The following TTYH2 variants were observed in gnomAD, a reference collection of about 807,000 sequenced individuals.
TTYH2 encodes the protein tweety family member 2.
In TTYH2, 49 loss-of-function variants were observed where a neutral mutation model predicts 68.3. The observed-to-expected ratio is 0.72, with a 90% CI of 0.57 to 0.91. The LOEUF (loss-of-function observed/expected upper bound fraction) is 0.91. TTYH2 is among the 40% of genes least tolerant of loss of function. TTYH2 has a pLI of 0.00. For missense variants in TTYH2, 631 were observed against 700.4 expected, an observed-to-expected ratio of 0.90 and a Z score of 1.12; for synonymous variants, 272 against 300.8, an observed-to-expected ratio of 0.90 and a Z score of 0.99.
intron 13 of TTYH2, among the ~76,000 whole-genome samples, chr17:74,258,131 G>C (rs781230754): frequency 5.9e-5 from 9 of 151,524 alleles, no homozygotes; most frequent in Non-Finnish European, 1.2e-4. Flanking sequence ...TCCAGCCTGG[G>C]TGACAGAGTG....
At position 74,222,649 on chromosome 17, in the gene TTYH2, C is replaced by G; in HGVS notation, c.294C>G (p.Leu98=). Residue 98 remains leucine, a synonymous_variant, in exon 2 of 14, where the codon CTC becomes CTG. Transcript: ENST00000269346. This position sits in a 1 kb window ranked among gnomAD's most constrained non-coding sequence, Gnocchi z 5.2. ...CCTGGACGGCCGTGGTGGCCGGGCTCATCTGCTGGTGAGTGTCCCTGGACG... is the reference window on the plus strand; with the variant it reads ...CCTGGACGGCCGTGGTGGCCGGGCTGATCTGCTGGTGAGTGTCCCTGGACG... ...CITWTAVVAG[L]ICCAAVGVGF... is the part of the protein sequence containing the mutation. 1 of 1,608,732 alleles carries G rather than the reference C, an allele frequency of 6.2e-7. No individual in the cohort carries two copies. The highest frequency in any genetic ancestry group is 8.5e-7 in the Non-Finnish European group (1 of 1,179,408).
intron 2 of TTYH2, among the ~76,000 whole-genome samples, chr17:74,225,240 C>T (rs1199077894): frequency 6.6e-6 from 1 of 151,136 alleles, no homozygotes; most frequent in Non-Finnish European, 1.5e-5. Context: ...TAAAGGAAGC[C>T]AATGTGGCCA....
rs529630602 is a variant in TTYH2 at position 74,261,957 on chromosome 17, G to T, written c.*1748G>T. The T allele has an allele frequency of 6.6e-6, 1 of 152,562 alleles. No homozygotes were observed. The highest frequency in any genetic ancestry group is 1.5e-5 in the Non-Finnish European group (1 of 68,034). The allele number at this position is 152,562 out of a possible 1,614,324, so 9.5% of individuals were successfully genotyped here. A position where few individuals can be genotyped will look rare whatever the true frequency, so the allele number is the denominator to read the frequency against. On this transcript the variant is annotated 3_prime_UTR_variant, in exon 14 of 14. Transcript: ENST00000269346. Reference sequence around the variant, plus strand: ...GGGGAGTTCCTGAAGGAACCAGGTGGGCAAACCTTTGCTTATATACATGCG... The same window carrying T: ...GGGGAGTTCCTGAAGGAACCAGGTGTGCAAACCTTTGCTTATATACATGCG...
chr17:74,230,993 T>A lies in TTYH2; in HGVS notation c.408T>A (p.Asp136Glu), dbSNP rs563918974. The A allele has an allele frequency of 4.8e-5, 77 of 1,613,738 alleles. No homozygotes were observed. In the Admixed American group the frequency reaches 1.3e-3, roughly 27 times the overall value. Residue 136 changes from aspartate to glutamate, a missense_variant, in exon 3 of 14, where the codon GAT becomes GAA. Transcript: ENST00000269346. ...DDANHTFSGI[D>E]ALVSGTTQKM... ...CCAACCACACCTTCTCTGGGATCGA[T>A]GCTCTGGTAAGGCTCCCGGGCAGCT...
In TTYH2 at chr17:74,252,362, G is replaced by C. The variant is rs2050642100; in HGVS notation, c.1245G>C (p.Lys415Asn). 6.8e-6 allele frequency: 11 copies of C among 1,613,616 alleles called. No individual in the cohort carries two copies. The highest frequency in any genetic ancestry group is 9.3e-6 in the Non-Finnish European group (11 of 1,179,980). ...TMICAGPRAW[K>N]HFTTRNRDYD... is the part of the protein sequence containing the mutation. ...TCTGTGCAGGGCCAAGGGCCTGGAA[G>C]CACTTCACCACCAGGTGGGCTGCCT... The change falls in exon 11 of 14, where the codon AAG becomes AAC. Residue 415 changes from lysine (K) to asparagine (N), a missense_variant. Physicochemically the swap from Lys to Asn is moderately conservative, Grantham distance 94. Coordinates refer to ENST00000269346, the MANE Select transcript of TTYH2 (RefSeq NM_032646.6).
intron 13 of TTYH2, among the ~76,000 whole-genome samples, chr17:74,257,980 C>A (rs2050710065): frequency 6.6e-6 from 1 of 151,886 alleles, no homozygotes; most frequent in South Asian, 2.1e-4. Flanking sequence ...ATGGTGAAAC[C>A]CCGTCTCTAC....
rs2050232965 is a variant in TTYH2, at chr17:74,217,556, CA to C, written c.129+3841del. ...TTGGGATGAGGAAGCCCCATTCATC[CA>C]GTGTGAAATTGAGTCACGGTCATCA... On this transcript the variant is annotated intron_variant, in intron 1 of 13. Coordinates refer to ENST00000269346, the MANE Select transcript of TTYH2 (RefSeq NM_032646.6). The surrounding 1 kb of genome is among the most constrained non-coding windows in gnomAD (Gnocchi z 4.0). 1.3e-5 allele frequency among the ~76,000 whole-genome samples: 2 copies of C among 152,174 alleles called. No homozygotes were observed. The highest frequency in any genetic ancestry group is 6.5e-5 in the Admixed American group (1 of 15,280).
intron 3 of TTYH2, among the ~76,000 whole-genome samples, chr17:74,233,627 CCA>C: frequency 6.6e-6 from 1 of 152,214 alleles, no homozygotes; most frequent in East Asian, 1.9e-4. Context: ...AGGGATGCAC[CCA>C]CAGAGTGGGG....
At chr17:74,230,489 G>A (rs943037120) in intron 2 of TTYH2, among the ~76,000 whole-genome samples, 14 of 152,130 alleles carry the variant, frequency 9.2e-5, no homozygotes, top group Non-Finnish European at 1.6e-4. Flanking sequence ...GATGATGTGT[G>A]CATCTGGGCT....
intron 3 of TTYH2, among the ~76,000 whole-genome samples, chr17:74,231,886 G>A (rs552879310): frequency 6.6e-5 from 10 of 152,252 alleles, no homozygotes; most frequent in East Asian, 1.9e-4. Context: ...TGTGGCAGAC[G>A]CTGCCTGATA....
At position 74,246,205 on chromosome 17, in the gene TTYH2, C is replaced by T. The variant is rs564354832; in HGVS notation, c.804+2156C>T. ...TGGGGACAGAGAACTTCAGGGGATT[C>T]CTCCAGCTAAGGGGCAGCCAGGCCT... On this transcript the variant is annotated intron_variant, in intron 6 of 13. Coordinates refer to ENST00000269346, the MANE Select transcript of TTYH2 (RefSeq NM_032646.6). Among the ~76,000 whole-genome samples, 305 of 152,272 alleles carry T rather than the reference C, an allele frequency of 2.0e-3. 2 individuals carry two copies. Among genetic ancestry groups the T allele is most frequent in the Admixed American group, 5.9e-3 (90 of 15,304 alleles).
In TTYH2 at chr17:74,248,989, C is replaced by T. The variant is rs115979980; in HGVS notation, c.805-22C>T. 8.9e-3 allele frequency: 14,379 copies of T among 1,614,004 alleles called. 184 individuals carry two copies. The highest frequency in any genetic ancestry group is 0.052 in the African/African-American group (3,923 of 75,018). On this transcript the variant is annotated intron_variant, in intron 6 of 13. Coordinates refer to ENST00000269346, the MANE Select transcript of TTYH2 (RefSeq NM_032646.6). ...CCTGATACCTGATTTTCCTCCACCC[C>T]GTCCCTCTCTCCCTCACTCAGGCCA...
intron 6 of TTYH2, 38 bp downstream of exon 6, chr17:74,244,087 G>C (rs767015641): frequency 6.3e-7 from 1 of 1,592,118 alleles, no homozygotes; most frequent in Non-Finnish European, 8.6e-7. Flanking sequence ...GGTGGTGGTT[G>C]GTCTGCCAGG....
rs745368169 is a variant in TTYH2 at position 74,253,074 on chromosome 17, G to A, written c.1260-7G>A. The A allele has an allele frequency of 3.7e-6, 6 of 1,613,594 alleles. No individual in the cohort carries two copies. Among genetic ancestry groups the A allele is most frequent in the Non-Finnish European group, 5.1e-6 (6 of 1,179,794 alleles). ...CACAGCCGGCCATCTTCTACCCATT[G>A]TTCTAGAAACAGAGACTACGATGAC... is the stretch of plus-strand genomic sequence containing the variant. On this transcript the variant is annotated splice_region_variant and splice_polypyrimidine_tract_variant and intron_variant, in intron 11 of 13. Coordinates refer to ENST00000269346, the MANE Select transcript of TTYH2 (RefSeq NM_032646.6).
chr17:74,250,239 C>G, intron 9 of TTYH2, 26 bp from the exon 10 acceptor site: 1 of 1,567,926 alleles, frequency 6.4e-7, no homozygotes, highest in East Asian at 2.2e-5. Flanking sequence ...AGCCCCTCGG[C>G]CTCTCTCGCT....
chr17:74,260,133 C>G lies in TTYH2; in HGVS notation c.1529C>G (p.Ser510Cys). The G allele has an allele frequency of 1.2e-6, 2 of 1,613,794 alleles. No individual in the cohort carries two copies. Among genetic ancestry groups the G allele is most frequent in the East Asian group, 2.2e-5 (1 of 44,876 alleles). ...IGRASPPPTY[S>C]PSMRATYLSV... ...CCCTCTCTTCTCTCTTGGCAGTACT[C>G]TCCCAGCATGAGAGCCACCTACCTG... The change falls in exon 14 of 14, where the codon TCT becomes TGT. Residue 510 changes from serine to cysteine, a missense_variant. Coordinates refer to ENST00000269346, the MANE Select transcript of TTYH2 (RefSeq NM_032646.6).
chr17:74,230,332 C>T (rs564058483), intron 2 of TTYH2, among the ~76,000 whole-genome samples: 14 of 151,832 alleles, frequency 9.2e-5, no homozygotes, highest in African/African-American at 2.9e-4. Context: ...TGGGCTCAAG[C>T]GACCTATCCG....
chr17:74,233,159 G>A (rs912744935), intron 3 of TTYH2, among the ~76,000 whole-genome samples: 2 of 152,116 alleles, frequency 1.3e-5, no homozygotes, highest in African/African-American at 2.4e-5. Flanking sequence ...GCCTGTGGGT[G>A]GTCACCTCCC....
chr17:74,252,477 TGAGGA>T, intron 11 of TTYH2, 101 bp downstream of exon 11: 1 of 1,412,318 alleles, frequency 7.1e-7, no homozygotes, highest in Non-Finnish European at 9.4e-7. Context: ...AACCCAGGAC[TGAGGA>T]GGGCAGCAGA....
Sources: gnomAD v4.1 joint callset for allele counts (sites outside exome capture counted in the v4.1 genomes callset) on GRCh38, gnomAD v4.1.1 for gene constraint, Gnocchi (gnomAD v3.1) non-coding constraint, MANE v1.5 for transcripts, NCBI Gene and HGNC (gene_info 2026-07-23, HGNC 2026-07-21) for gene names.